MYO16: variants seen among roughly 807,000 people sequenced by gnomAD.
MYO16 encodes the protein unconventional myosin-XVI.
In MYO16, 94 loss-of-function variants were observed where a neutral mutation model predicts 205.3. The ratio of observed to expected loss-of-function variants is 0.46; its 90% CI spans 0.39 to 0.54. The LOEUF is 0.54. Ranked by LOEUF, MYO16 falls within the 20% of genes least tolerant of loss-of-function variation. The pLI is 0.00. For missense variants in MYO16, 2,315 were observed against 2,387.5 expected (o/e 0.97, Z 0.63); for synonymous variants, 988 against 954.0 (o/e 1.04, Z -0.66).
At chr13:108,671,039 T>TG (rs1881966336) in intron 2 of MYO16, among the ~76,000 whole-genome samples, 1 of 152,216 alleles carries the variant, frequency 6.6e-6, no homozygotes, top group African/African-American at 2.4e-5. Flanking sequence ...CAGTCAGATC[T>TG]GATTTTTCAA....
the MYO16 span, among the ~76,000 whole-genome samples, chr13:108,519,532 G>A: frequency 1.3e-5 from 2 of 151,506 alleles, no homozygotes; most frequent in African/African-American, 4.9e-5. Flanking sequence ...TAAGCCAATT[G>A]GAAACTTGTA....
chr13:108,945,626 A>G (rs1198875055), intron 16 of MYO16, among the ~76,000 whole-genome samples: 4 of 139,170 alleles, frequency 2.9e-5, no homozygotes, highest in African/African-American at 1.0e-4. Flanking sequence ...TACATTTAGC[A>G]GAAAAGAAAA....
intron 33 of MYO16, among the ~76,000 whole-genome samples, chr13:109,168,263 CTT>C (rs768757906): frequency 4.6e-5 from 7 of 151,846 alleles, no homozygotes; most frequent in Non-Finnish European, 8.8e-5. Context: ...TTAATGTAAA[CTT>C]ATATGAAAAA....
At chr13:109,054,084 G>C (rs78182982) in intron 25 of MYO16, among the ~76,000 whole-genome samples, 5,815 of 152,144 alleles carry the variant, frequency 0.038, 157 homozygotes, top group Non-Finnish European at 0.058. Context: ...TTTGTGAAAT[G>C]TAATAGTAGG....
intron 27 of MYO16, among the ~76,000 whole-genome samples, chr13:109,073,696 A>G (rs1187029065): frequency 6.6e-6 from 1 of 152,242 alleles, no homozygotes; most frequent in African/African-American, 2.4e-5. Flanking sequence ...CATTGACCAA[A>G]TAACAGATGT....
At chr13:108,630,845 C>G (rs1879949687) in intron 1 of MYO16, among the ~76,000 whole-genome samples, 1 of 152,124 alleles carries the variant, frequency 6.6e-6, no homozygotes, top group African/African-American at 2.4e-5. Flanking sequence ...AAATATTTAC[C>G]TTTCTCTTAT....
At position 109,127,702 on chromosome 13, in the gene MYO16, TATAA is replaced by T. The variant is rs1302620264; in HGVS notation, c.4051+157_4051+160del. 19 of 726,900 alleles carry T rather than the reference TATAA, an allele frequency of 2.6e-5. No individual in the cohort carries two copies. The highest frequency in any genetic ancestry group is 3.4e-5 in the Non-Finnish European group (16 of 464,168). 45.0% of individuals were successfully genotyped at this position (726,900 alleles called of 1,614,324 possible). ...TTGCCAGCAGCTCTTAATCATTAAA[TATAA>T]ATAATATTTATTCAAATCTCTAAGC... On this transcript the variant is annotated intron_variant, in intron 31 of 34. Transcript: ENST00000457511. The surrounding 1 kb of genome is among the most constrained non-coding windows in gnomAD (Gnocchi z 4.2).
intron 16 of MYO16, among the ~76,000 whole-genome samples, chr13:108,926,873 AC>A (rs1020128019): frequency 2.0e-5 from 3 of 152,178 alleles, no homozygotes; most frequent in Non-Finnish European, 4.4e-5. Context: ...TTTAAAAAAA[AC>A]ATACCACAGA....
At chr13:108,746,432 T>C (rs1885065281) in intron 4 of MYO16, among the ~76,000 whole-genome samples, 2 of 152,096 alleles carry the variant, frequency 1.3e-5, no homozygotes, top group African/African-American at 2.4e-5. Context: ...TACACTTTCA[T>C]AGAAGAAATA....
At chr13:109,023,461 A>T (rs1330784389) in intron 23 of MYO16, among the ~76,000 whole-genome samples, 3 of 99,634 alleles carry the variant, frequency 3.0e-5, no homozygotes, top group South Asian at 6.4e-4. Flanking sequence ...ATATATATTT[A>T]TATATTATAC....
intron 27 of MYO16, among the ~76,000 whole-genome samples, chr13:109,069,897 G>A (rs143890786): frequency 6.6e-6 from 1 of 152,210 alleles, no homozygotes; most frequent in East Asian, 1.9e-4. Flanking sequence ...GGCCTCACTT[G>A]TCTTAATTCA....
chr13:109,135,539 A>G (rs966623569), intron 31 of MYO16, among the ~76,000 whole-genome samples: 1 of 152,110 alleles, frequency 6.6e-6, no homozygotes, highest in Non-Finnish European at 1.5e-5. Flanking sequence ...TCCAAGCTGG[A>G]GTGCAGTGGC....
At chr13:108,699,096 C>CTATA (rs10590969) in intron 2 of MYO16, among the ~76,000 whole-genome samples, 1 of 132,404 alleles carries the variant, frequency 7.6e-6, no homozygotes, top group African/African-American at 2.6e-5. Context: ...CTCTCTCTCT[C>CTATA]TATATATATA....
chr13:109,121,885 G>A (rs550751826), intron 29 of MYO16, among the ~76,000 whole-genome samples: 32 of 152,326 alleles, frequency 2.1e-4, no homozygotes, highest in African/African-American at 7.0e-4. Context: ...TGACCTGGCT[G>A]CTAACTCTTG....
intron 4 of MYO16, chr13:108,779,499 C>T (rs1886230996): frequency 6.6e-6 from 1 of 152,206 alleles, no homozygotes; most frequent in Non-Finnish European, 1.5e-5. Context: ...GGCTGAGAGT[C>T]AGACCTCATT....
rs149740247 is a variant in MYO16 at position 109,115,353 on chromosome 13, CAAG to C, written c.3439-5014_3439-5012del. Among the ~76,000 whole-genome samples, 17 of 144,440 alleles carry C rather than the reference CAAG, an allele frequency of 1.2e-4. No individual in the cohort carries two copies. The East Asian group carries it at 1.8e-3, about 16-fold the overall frequency. The allele number at this position is 144,440 out of a possible 152,430, so 94.8% of individuals were successfully genotyped here. On this transcript the variant is annotated intron_variant, in intron 28 of 34. Coordinates refer to ENST00000457511, the MANE Select transcript of MYO16 (RefSeq NM_001198950.3). ...TAATCTTTTAAAATCTGTCACCTAA[CAAG>C]AAAAAAAACCTAATGGTTTTCTAAT...
intron 1 of MYO16, among the ~76,000 whole-genome samples, chr13:108,634,359 T>C (rs1024084165): frequency 1.3e-5 from 2 of 152,188 alleles, no homozygotes; most frequent in African/African-American, 4.8e-5. Context: ...GCGCTTGCAA[T>C]TCTGTCTCCT....
chr13:108,939,108 A>G (rs1392864340), intron 16 of MYO16, among the ~76,000 whole-genome samples: 1 of 152,154 alleles, frequency 6.6e-6, no homozygotes, highest in Non-Finnish European at 1.5e-5. Flanking sequence ...CAAGACTAAT[A>G]TGCCTGCACA....
intron 1 of MYO16, among the ~76,000 whole-genome samples, chr13:108,623,514 C>T (rs1293305168): frequency 4.6e-5 from 7 of 152,102 alleles, no homozygotes; most frequent in Non-Finnish European, 1.5e-5. Context: ...TATTGAAAAA[C>T]AATATACACT....
Sources: allele counts gnomAD v4.1 joint callset (sites outside exome capture counted in the v4.1 genomes callset), GRCh38; gene constraint gnomAD v4.1.1; non-coding constraint Gnocchi (gnomAD v3.1); transcripts MANE v1.5; gene names NCBI Gene and HGNC (gene_info 2026-07-23, HGNC 2026-07-21).